CCDC141: variants seen among roughly 807,000 people sequenced by gnomAD.
CCDC141 encodes coiled-coil domain-containing protein 141.
CCDC141 carries 168 observed loss-of-function variants against 181.0 expected under a neutral mutation model. The observed-to-expected ratio is 0.93, with a 90% CI of 0.82 to 1.05. CCDC141 has a LOEUF of 1.05. CCDC141 is among the 50% of genes least tolerant of loss of function. The pLI is 0.00. For synonymous variants in CCDC141, 666 were observed against 642.3 expected (o/e 1.04, Z -0.56); for missense variants, 1,902 against 1,788.5 (o/e 1.06, Z -1.14).
intron 23 of CCDC141, 33 bp from the exon 24 acceptor site, chr2:178,834,473 T>C (rs1044156521): frequency 1.1e-5 from 17 of 1,531,710 alleles, no homozygotes; most frequent in Admixed American, 9.9e-5. Flanking sequence ...AAAGTCAGGA[T>C]TGCTGTTTAT....
intron 2 of CCDC141, among the ~76,000 whole-genome samples, chr2:178,986,036 A>G (rs948090173): frequency 1.3e-5 from 2 of 152,206 alleles, no homozygotes; most frequent in Admixed American, 6.5e-5. Context: ...TTAGACCAAT[A>G]TCCTTGATGA....
chr2:179,027,646 CAAAAAAAAAAAAAAAAA>C lies in CCDC141; in HGVS notation c.225+19621_225+19637del, dbSNP rs71023466. 8.8e-3 allele frequency among the ~76,000 whole-genome samples: 470 copies of C among 53,286 alleles called. 11 individuals are homozygous for C. Among genetic ancestry groups the C allele is most frequent in the African/African-American group, 0.029 (424 of 14,470 alleles). 35.0% of individuals were successfully genotyped at this position (53,286 alleles called of 152,430 possible). A position where few individuals can be genotyped will look rare whatever the true frequency, so the allele number is the denominator to read the frequency against. ...GGCAACAGAGTGAGACTCTTACTCT[CAAAAAAAAAAAAAAAAA>C]AAAAAAAAAAAAAAAAAAGTTTCCC... On this transcript the variant is annotated intron_variant, in intron 2 of 23. Coordinates refer to ENST00000443758, the MANE Select transcript of CCDC141 (RefSeq NM_173648.4).
intron 6 of CCDC141, among the ~76,000 whole-genome samples, chr2:178,931,257 A>G (rs1311753575): frequency 6.6e-6 from 1 of 152,228 alleles, no homozygotes; most frequent in Non-Finnish European, 1.5e-5. Context: ...ATGGAAAAAT[A>G]GCATAGTAAC....
chr2:178,940,227 G>A (rs1689451990), intron 6 of CCDC141, among the ~76,000 whole-genome samples: 1 of 139,906 alleles, frequency 7.1e-6, no homozygotes, highest in African/African-American at 2.4e-5. Flanking sequence ...AAAGAATAAA[G>A]AAATGGGGGG....
rs1684237375 is a variant in CCDC141 at position 178,831,241 on chromosome 2, A to T, written c.*2932T>A. ...AAAAACTACCACCAAATATTTATAC[A>T]TCCTTTTATTGGAAAATCAAAGCTG... is the stretch of plus-strand genomic sequence containing the variant. On this transcript the variant is annotated 3_prime_UTR_variant, in exon 24 of 24. Transcript: ENST00000443758. The T allele has an allele frequency of 6.6e-6, 1 of 152,210 alleles. No individual in the cohort carries two copies. Among genetic ancestry groups the T allele is most frequent in the African/African-American group, 2.4e-5 (1 of 41,464 alleles). The allele number at this position is 152,210 out of a possible 1,614,324, so 9.4% of individuals were successfully genotyped here.
rs1684395814 is a variant in CCDC141 at position 178,834,524 on chromosome 2, C to T, written c.4326-84G>A. ...GTTCTAATAATGCTTGCAAATAGGC[C>T]CATTACCACTGCAATATTCTCTTAG... is the stretch of plus-strand genomic sequence containing the variant. On this transcript the variant is annotated intron_variant, in intron 23 of 23. Coordinates refer to ENST00000443758, the MANE Select transcript of CCDC141 (RefSeq NM_173648.4). 6 of 1,376,842 alleles carry T rather than the reference C, an allele frequency of 4.4e-6. No homozygotes were observed. In the Admixed American group the frequency reaches 1.3e-4, roughly 29 times the overall value. 85.3% of individuals were successfully genotyped at this position (1,376,842 alleles called of 1,614,324 possible). A position where few individuals can be genotyped will look rare whatever the true frequency, so the allele number is the denominator to read the frequency against.
chr2:178,850,306 T>C, intron 20 of CCDC141, 145 bp from the exon 21 acceptor site: 1 of 584,748 alleles, frequency 1.7e-6, no homozygotes, highest in Non-Finnish European at 3.0e-6. Context: ...GATAAATAAA[T>C]GAATAAAGAC....
chr2:178,819,328 G>A, the CCDC141 span, among the ~76,000 whole-genome samples: 1 of 152,048 alleles, frequency 6.6e-6, no homozygotes, highest in African/African-American at 2.4e-5. Context: ...GATATGTCAG[G>A]GCAGTGGTAT....
At chr2:178,970,617 A>G (rs921870835) in intron 4 of CCDC141, among the ~76,000 whole-genome samples, 2 of 152,200 alleles carry the variant, frequency 1.3e-5, no homozygotes, top group African/African-American at 4.8e-5. Flanking sequence ...ATGAAAATCA[A>G]CTCAAGATGA....
chr2:178,933,577 T>A (rs1344209322), intron 6 of CCDC141, among the ~76,000 whole-genome samples: 2 of 152,182 alleles, frequency 1.3e-5, no homozygotes, highest in African/African-American at 4.8e-5. Context: ...TCGAAAGAGA[T>A]CATGCCTTTC....
chr2:178,869,406 G>T, intron 14 of CCDC141, 101 bp from the exon 15 acceptor site: 1 of 808,984 alleles, frequency 1.2e-6, no homozygotes, highest in Non-Finnish European at 1.8e-6. Context: ...TCTTTCATTT[G>T]TTAACAAATA....
intron 12 of CCDC141, 116 bp downstream of exon 12, chr2:178,877,848 A>C: frequency 1.0e-6 from 1 of 985,160 alleles, no homozygotes; most frequent in Non-Finnish European, 1.6e-6. Flanking sequence ...ATGAAGCTAA[A>C]GAGAACTCCC....
chr2:178,818,911 T>C, the CCDC141 span, among the ~76,000 whole-genome samples: 4 of 152,018 alleles, frequency 2.6e-5, no homozygotes, highest in East Asian at 7.7e-4. Flanking sequence ...TAAAAGCATT[T>C]GTAAAGGCGA....
At chr2:178,849,258 A>G (rs898341463) in intron 21 of CCDC141, among the ~76,000 whole-genome samples, 3 of 152,218 alleles carry the variant, frequency 2.0e-5, no homozygotes, top group African/African-American at 4.8e-5. Flanking sequence ...TTCACAGTCA[A>G]TCCTCCGGGC....
chr2:179,037,295 A>G (rs905993651), intron 2 of CCDC141, among the ~76,000 whole-genome samples: 2 of 152,232 alleles, frequency 1.3e-5, no homozygotes, highest in Admixed American at 1.3e-4. Context: ...CTTCTGAGAG[A>G]GTAAATTCTT....
chr2:178,982,975 G>A (rs1204246848), intron 2 of CCDC141, among the ~76,000 whole-genome samples: 2 of 152,222 alleles, frequency 1.3e-5, no homozygotes, highest in African/African-American at 2.4e-5. Flanking sequence ...AGCTCAAGGA[G>A]GCCTGCCTGC....
intron 14 of CCDC141, 128 bp downstream of exon 14, chr2:178,871,299 A>T: frequency 8.9e-7 from 1 of 1,127,376 alleles, no homozygotes; most frequent in Non-Finnish European, 1.3e-6. Context: ...GTGGATTTTT[A>T]GACAAGCAAT....
In CCDC141 at chr2:178,889,649, C is replaced by G. The variant is rs539707069; in HGVS notation, c.1266-981G>C. On this transcript the variant is annotated intron_variant, in intron 8 of 23. Coordinates refer to ENST00000443758, the MANE Select transcript of CCDC141 (RefSeq NM_173648.4). ...AAATGAGGGCAAGATCCTAAATGACCGAGAGGTAAAGTAACCTCACTGGAG... is the reference window on the plus strand; with the variant it reads ...AAATGAGGGCAAGATCCTAAATGACGGAGAGGTAAAGTAACCTCACTGGAG... Among the ~76,000 whole-genome samples the G allele has an allele frequency of 2.0e-5, 3 of 152,064 alleles. No homozygotes were observed. The South Asian group carries it at 6.2e-4, about 32-fold the overall frequency.
At chr2:178,886,443 C>G (rs1686889579) in intron 10 of CCDC141, among the ~76,000 whole-genome samples, 1 of 152,138 alleles carries the variant, frequency 6.6e-6, no homozygotes, top group African/African-American at 2.4e-5. Flanking sequence ...GAAGCACTGT[C>G]CCTGCCTCCT....
Sources: gnomAD v4.1 joint callset for allele counts (sites outside exome capture counted in the v4.1 genomes callset) on GRCh38, gnomAD v4.1.1 for gene constraint, MANE v1.5 for transcripts, NCBI Gene and HGNC (gene_info 2026-07-23, HGNC 2026-07-21) for gene names.